The following ESR1 variants were observed in gnomAD, a reference collection of about 807,000 sequenced individuals.
ESR1 encodes estrogen receptor.
A neutral mutation model predicts 52.7 loss-of-function variants in ESR1; 12 were observed. That is an observed-to-expected ratio of 0.23 (90% CI 0.15 to 0.37). ESR1 has a LOEUF of 0.37. Among genes scored for constraint, ESR1 ranks in the 10% least tolerant of loss-of-function variants. The pLI is 1.00. For missense variants in ESR1, 584 were observed against 779.7 expected (o/e 0.75, Z 2.99); for synonymous variants, 305 against 316.8 (o/e 0.96, Z 0.39).
exon 7 of ESR1, chr6:152,128,923 C>T (rs2054472292): frequency 6.6e-6 from 1 of 152,240 alleles, no homozygotes; most frequent in Non-Finnish European, 1.5e-5. Flanking sequence ...TCAACCACAA[C>T]CTGTCTGTGA....
At chr6:151,862,673 C>T (rs978372793) in intron 2 of ESR1, among the ~76,000 whole-genome samples, 8 of 152,144 alleles carry the variant, frequency 5.3e-5, no homozygotes, top group East Asian at 1.9e-4. Flanking sequence ...TGTTCACCTG[C>T]GGTTTGGGTA....
At chr6:151,767,740 A>G (rs914379588) in intron 2 of ESR1, among the ~76,000 whole-genome samples, 3 of 152,200 alleles carry the variant, frequency 2.0e-5, no homozygotes, top group Non-Finnish European at 4.4e-5. Context: ...AGTTCATAGG[A>G]CTTCCTGAAT....
chr6:151,724,602 A>ACG lies in ESR1; in HGVS notation c.-71+22598_-71+22599insGC, dbSNP rs200322010. Among the ~76,000 whole-genome samples the ACG allele has an allele frequency of 2.8e-3, 428 of 152,056 alleles. 5 individuals carry two copies. Among genetic ancestry groups the ACG allele is most frequent in the East Asian group, 0.017 (88 of 5,170 alleles). ...CACACACACATACACACACACACAC[A>ACG]CACACTTACTTCACTTCTGCTGGAG... is the stretch of plus-strand genomic sequence containing the variant. On this transcript the variant is annotated intron_variant, in intron 2 of 2. Coordinates refer to the ESR1 transcript ENST00000404742.
At position 152,059,463 on chromosome 6, in the gene ESR1, A is replaced by G. The variant is rs147283274; in HGVS notation, c.1236-1528A>G. On this transcript the variant is annotated intron_variant, in intron 5 of 7. Transcript: ENST00000206249. ...ATCAGAAGAAAAAACAAAAAACCAT[A>G]AGAAAAACAATTAAAAATACATATG... is the stretch of plus-strand genomic sequence containing the variant. Among the ~76,000 whole-genome samples the G allele has an allele frequency of 4.9e-3, 749 of 152,194 alleles. 5 individuals are homozygous for G. The highest frequency in any genetic ancestry group is 0.017 in the African/African-American group (717 of 41,582).
At chr6:151,684,048 A>G (rs780887537) in intron 1 of ESR1, among the ~76,000 whole-genome samples, 14 of 152,004 alleles carry the variant, frequency 9.2e-5, no homozygotes, top group Non-Finnish European at 1.9e-4. Flanking sequence ...CTTCCTAGAC[A>G]CAAGCTCCTC....
chr6:151,735,686 C>G (rs1254407362), intron 2 of ESR1, among the ~76,000 whole-genome samples: 1 of 151,942 alleles, frequency 6.6e-6, no homozygotes, highest in Non-Finnish European at 1.5e-5. Context: ...TACTCTGTAC[C>G]CAGGGTCCTT....
intron 5 of ESR1, among the ~76,000 whole-genome samples, chr6:152,033,934 A>G (rs898646371): frequency 2.0e-5 from 3 of 152,230 alleles, no homozygotes; most frequent in Non-Finnish European, 4.4e-5. Context: ...AATGTGGCAC[A>G]TATATACCAT....
chr6:152,125,275 A>G, exon 7 of ESR1: 1 of 1,550,434 alleles, frequency 6.4e-7, no homozygotes, highest in Non-Finnish European at 8.7e-7. Context: ...GGTATCTCAC[A>G]TGTAGAAGCA....
At chr6:151,783,404 G>A (rs900478531) in intron 2 of ESR1, among the ~76,000 whole-genome samples, 1 of 152,190 alleles carries the variant, frequency 6.6e-6, no homozygotes, top group African/African-American at 2.4e-5. Context: ...GACAGGCAGA[G>A]GGAATCTGTC....
At chr6:152,069,791 C>T (rs2048235752) in intron 6 of ESR1, among the ~76,000 whole-genome samples, 1 of 137,316 alleles carries the variant, frequency 7.3e-6, no homozygotes, top group Non-Finnish European at 1.5e-5. Context: ...CACCACTCAC[C>T]TCTTGCTGTG....
chr6:151,967,657 G>A (rs2038426222), intron 4 of ESR1, among the ~76,000 whole-genome samples: 1 of 152,186 alleles, frequency 6.6e-6, no homozygotes, highest in South Asian at 2.1e-4. Context: ...GTGTTCATGT[G>A]TCTTTATAGT....
chr6:151,973,933 G>A (rs2039172702), intron 4 of ESR1, among the ~76,000 whole-genome samples: 2 of 152,144 alleles, frequency 1.3e-5, no homozygotes, highest in South Asian at 4.1e-4. Context: ...TTGATTTAAA[G>A]CAGAGGTTAG....
intron 1 of ESR1, among the ~76,000 whole-genome samples, chr6:151,693,784 A>G (rs572159065): frequency 6.6e-6 from 1 of 152,174 alleles, no homozygotes; most frequent in Non-Finnish European, 1.5e-5. Context: ...TGGCCAGCTA[A>G]TTTTCATATT....
chr6:151,756,478 C>G (rs1784295271), intron 2 of ESR1, among the ~76,000 whole-genome samples: 1 of 152,132 alleles, frequency 6.6e-6, no homozygotes, highest in Non-Finnish European at 1.5e-5. Context: ...CAACTCCTGA[C>G]CTTGGCTTCC....
chr6:152,040,360 C>A (rs2045686466), intron 5 of ESR1, among the ~76,000 whole-genome samples: 1 of 152,152 alleles, frequency 6.6e-6, no homozygotes, highest in African/African-American at 2.4e-5. Flanking sequence ...TCATCCAATC[C>A]ACTTGATTAT....
chr6:151,756,233 A>G (rs990652223), intron 2 of ESR1, among the ~76,000 whole-genome samples: 2 of 150,970 alleles, frequency 1.3e-5, no homozygotes, highest in African/African-American at 4.9e-5. Context: ...CCCTTACTAA[A>G]TTTTTTTTCC....
chr6:151,836,533 C>A (rs1562458840), intron 1 of ESR1, among the ~76,000 whole-genome samples: 1 of 152,158 alleles, frequency 6.6e-6, no homozygotes, highest in Non-Finnish European at 1.5e-5. Flanking sequence ...ATGGAAGCTA[C>A]AATTCAAGAT....
In ESR1 at chr6:152,116,302, G is replaced by A. The variant is rs188603074; in HGVS notation, c.851-8964G>A. Among the ~76,000 whole-genome samples, 121 of 152,286 alleles carry A rather than the reference G, an allele frequency of 7.9e-4. 2 individuals carry two copies. The highest frequency in any genetic ancestry group is 7.1e-3 in the Admixed American group (109 of 15,302). ...ACACGCAAGAGTGTCTACTGCAGCCGTGATTCCTAACAAACCCTGGAAGAA... is the reference window on the plus strand; with the variant it reads ...ACACGCAAGAGTGTCTACTGCAGCCATGATTCCTAACAAACCCTGGAAGAA... On this transcript the variant is annotated intron_variant, in intron 6 of 6. Transcript: ENST00000427531.
intron 1 of ESR1, among the ~76,000 whole-genome samples, chr6:151,830,575 A>G (rs1253628404): frequency 6.6e-6 from 1 of 152,156 alleles, no homozygotes; most frequent in Admixed American, 6.5e-5. Context: ...TTGGGTTCCC[A>G]GACCTCACCA....
Sources: gnomAD v4.1 joint callset for allele counts (sites outside exome capture counted in the v4.1 genomes callset) on GRCh38, gnomAD v4.1.1 for gene constraint, MANE v1.5 for transcripts, NCBI Gene and HGNC (gene_info 2026-07-23, HGNC 2026-07-21) for gene names.